The following SLCO3A1 variants were observed in gnomAD, a reference collection of about 807,000 sequenced individuals.
SLCO3A1 encodes the protein PGE1 transporter.
In SLCO3A1, 27 loss-of-function variants were observed where a neutral mutation model predicts 63.1. The observed-to-expected ratio is 0.43, with a 90% CI of 0.32 to 0.59. SLCO3A1 has a LOEUF of 0.59. SLCO3A1 is among the 20% of genes least tolerant of loss of function. The probability of loss-of-function intolerance (pLI) is 0.09; values close to 1 mark genes in which losing one functional copy is unlikely to be tolerated. For missense variants in SLCO3A1, 773 were observed against 945.8 expected (o/e 0.82, Z 2.40); for synonymous variants, 473 against 409.9 (o/e 1.15, Z -1.86).
chr15:92,096,594 C>T (rs1473053210), intron 3 of SLCO3A1, among the ~76,000 whole-genome samples: 1 of 152,318 alleles, frequency 6.6e-6, no homozygotes. Context: ...CTCTGCTTCT[C>T]ATGCCGATCT....
At chr15:92,154,114 G>A (rs2048342190) in intron 9 of SLCO3A1, among the ~76,000 whole-genome samples, 1 of 152,258 alleles carries the variant, frequency 6.6e-6, no homozygotes. Flanking sequence ...CTGCTGTAAT[G>A]AAGTGAATGA....
intron 2 of SLCO3A1, among the ~76,000 whole-genome samples, chr15:91,970,849 A>T (rs1215014243): frequency 1.3e-5 from 2 of 152,090 alleles, no homozygotes; most frequent in African/African-American, 4.8e-5. Context: ...TGCCGTCCTC[A>T]TGCTACTAAT....
At chr15:92,122,738 C>T (rs1030828825) in intron 5 of SLCO3A1, among the ~76,000 whole-genome samples, 2 of 152,034 alleles carry the variant, frequency 1.3e-5, no homozygotes, top group Non-Finnish European at 2.9e-5. Flanking sequence ...CATAATGGAC[C>T]CAAACTTGAA....
chr15:92,019,437 C>T (rs1466098666), intron 2 of SLCO3A1, among the ~76,000 whole-genome samples: 1 of 152,206 alleles, frequency 6.6e-6, no homozygotes, highest in Non-Finnish European at 1.5e-5. Flanking sequence ...TTCCCCTTCA[C>T]CCCCAGAGGC....
intron 2 of SLCO3A1, among the ~76,000 whole-genome samples, chr15:92,076,829 T>C (rs998540721): frequency 6.6e-5 from 10 of 152,230 alleles, no homozygotes; most frequent in Middle Eastern, 6.8e-3. Context: ...ATGAGTGTGA[T>C]TTAATATGTT....
intron 2 of SLCO3A1, among the ~76,000 whole-genome samples, chr15:91,971,389 C>A: frequency 1.5e-4 from 1 of 6,690 alleles, no homozygotes. Flanking sequence ...AGCGAGACTC[C>A]ATCTCAAAAA....
At chr15:92,051,811 T>G (rs1226893153) in intron 2 of SLCO3A1, among the ~76,000 whole-genome samples, 2 of 152,148 alleles carry the variant, frequency 1.3e-5, no homozygotes, top group African/African-American at 2.4e-5. Flanking sequence ...GCCTCCTCCC[T>G]CTCCTTTTAG....
intron 2 of SLCO3A1, among the ~76,000 whole-genome samples, chr15:91,994,520 G>A (rs772222180): frequency 1.1e-4 from 16 of 152,148 alleles, no homozygotes; most frequent in Non-Finnish European, 1.8e-4. Flanking sequence ...CAGCAGCTAC[G>A]TTGTGTTGTC....
At chr15:91,991,062 A>G (rs1034956661) in intron 2 of SLCO3A1, among the ~76,000 whole-genome samples, 1 of 151,972 alleles carries the variant, frequency 6.6e-6, no homozygotes, top group Admixed American at 6.5e-5. Context: ...AATGCAGGGT[A>G]TGTTTGTTTT....
intron 2 of SLCO3A1, among the ~76,000 whole-genome samples, chr15:91,931,788 A>AACACACGCAC (rs1899238319): frequency 6.9e-6 from 1 of 144,130 alleles, no homozygotes; most frequent in Non-Finnish European, 1.5e-5. Flanking sequence ...TAAGTGTGGA[A>AACACACGCAC]ACACACACAC....
intron 1 of SLCO3A1, among the ~76,000 whole-genome samples, chr15:91,891,207 A>G (rs1256037210): frequency 6.6e-6 from 1 of 151,826 alleles, no homozygotes; most frequent in East Asian, 1.9e-4. Context: ...ATTGTGATGG[A>G]CCATTCAAAT....
chr15:92,148,413 G>T (rs1231130188), intron 8 of SLCO3A1, among the ~76,000 whole-genome samples: 2 of 152,168 alleles, frequency 1.3e-5, no homozygotes, highest in African/African-American at 4.8e-5. Flanking sequence ...CCAAGGAAGA[G>T]GATTTTTACA....
In SLCO3A1 at chr15:92,049,596, C is replaced by G. The variant is rs550963499; in HGVS notation, c.647-45285C>G. Among the ~76,000 whole-genome samples the G allele has an allele frequency of 3.3e-4, 51 of 152,320 alleles. 1 individual carries two copies. The highest frequency in any genetic ancestry group is 1.2e-3 in the African/African-American group (48 of 41,576). ...GAGATGTGGGCAGACACATCTGTTTCTTCCATTTAGCAAACAAGTGGAGCT... is the reference window on the plus strand; with the variant it reads ...GAGATGTGGGCAGACACATCTGTTTGTTCCATTTAGCAAACAAGTGGAGCT... On this transcript the variant is annotated intron_variant, in intron 2 of 9. Transcript: ENST00000318445.
In SLCO3A1 at chr15:91,984,601, C is replaced by T. The variant is rs367961307; in HGVS notation, c.646+68143C>T. 1.5e-4 allele frequency among the ~76,000 whole-genome samples: 23 copies of T among 151,456 alleles called. No homozygotes were observed. The South Asian group carries it at 4.8e-3, about 31-fold the overall frequency. On this transcript the variant is annotated intron_variant, in intron 2 of 9. Coordinates refer to ENST00000318445, the MANE Select transcript of SLCO3A1 (RefSeq NM_013272.4). ...CATAGAAGGCATATTATAAAATAAT[C>T]AAACGTACATAAAAAGAGGAGATAA...
chr15:92,149,341 GAC>G (rs1379024945), intron 8 of SLCO3A1: 8 of 152,266 alleles, frequency 5.3e-5, no homozygotes, highest in Non-Finnish European at 7.3e-5. Context: ...AGAGGTCCAA[GAC>G]ACAGTTTTAT....
At position 91,931,797 on chromosome 15, in the gene SLCO3A1, ACACG is replaced by A. The variant is rs1457964928; in HGVS notation, c.646+15343_646+15346del. 6.3e-4 allele frequency among the ~76,000 whole-genome samples: 94 copies of A among 150,102 alleles called. 2 individuals are homozygous for A. Among genetic ancestry groups the A allele is most frequent in the African/African-American group, 1.1e-3 (45 of 40,308 alleles). On this transcript the variant is annotated intron_variant, in intron 2 of 9. Transcript: ENST00000318445. The stretch of plus-strand genomic sequence containing the variant: ...GTGTCTTAAGTGTGGAAACACACAC[ACACG>A]CACACACACACACACACACACTCAC...
chr15:91,868,211 C>G (rs1027440288), intron 1 of SLCO3A1, among the ~76,000 whole-genome samples: 43 of 151,942 alleles, frequency 2.8e-4, no homozygotes, highest in African/African-American at 1.0e-3. Flanking sequence ...ACTACCACGC[C>G]CAGCAGATTT....
chr15:91,917,226 C>T (rs1355628715), intron 2 of SLCO3A1, among the ~76,000 whole-genome samples: 1 of 152,048 alleles, frequency 6.6e-6, no homozygotes, highest in Non-Finnish European at 1.5e-5. Flanking sequence ...AATTCTGTCT[C>T]CTGCCAGCTG....
In SLCO3A1 at chr15:91,859,488, G is replaced by T. The variant is rs1896999900; in HGVS notation, c.180+5400G>T. 6.6e-6 allele frequency among the ~76,000 whole-genome samples: 1 copy of T among 152,138 alleles called. No homozygotes were observed. Among genetic ancestry groups the T allele is most frequent in the South Asian group, 2.1e-4 (1 of 4,832 alleles). On this transcript the variant is annotated intron_variant, in intron 1 of 9. Coordinates refer to ENST00000318445, the MANE Select transcript of SLCO3A1 (RefSeq NM_013272.4). This position sits in a 1 kb window ranked among gnomAD's most constrained non-coding sequence, Gnocchi z 5.1. Reference sequence around the variant, plus strand: ...GCATGAGACAAATTATTGCTTAATGGTTAAAACTCCAAGTTAAATGATTAC... The same window carrying T: ...GCATGAGACAAATTATTGCTTAATGTTTAAAACTCCAAGTTAAATGATTAC...
Sources: gnomAD v4.1 joint callset for allele counts (sites outside exome capture counted in the v4.1 genomes callset) on GRCh38, gnomAD v4.1.1 for gene constraint, Gnocchi (gnomAD v3.1) non-coding constraint, MANE v1.5 for transcripts, NCBI Gene and HGNC (gene_info 2026-07-23, HGNC 2026-07-21) for gene names.